Variants in SLC25A37 observed in about 807,000 individuals in gnomAD.
SLC25A37 encodes mitoferrin-1.
Under a neutral mutation model 31.0 loss-of-function variants are expected in SLC25A37, and 17 were observed. The ratio of observed to expected loss-of-function variants is 0.55; its 90% CI spans 0.38 to 0.82. SLC25A37 has a LOEUF of 0.82. Ranked by LOEUF, SLC25A37 falls within the 40% of genes least tolerant of loss-of-function variation. The pLI, the probability that SLC25A37 is intolerant of heterozygous loss-of-function variation, is 0.00. For missense variants in SLC25A37, 404 were observed against 465.8 expected, an observed-to-expected ratio of 0.87 and a Z score of 1.22; for synonymous variants, 222 against 193.0, an observed-to-expected ratio of 1.15 and a Z score of -1.24.
At chr8:23,571,255 A>G (rs1802820968) in intron 3 of SLC25A37, 80 bp from the exon 4 acceptor site, 1 of 1,442,918 alleles carries the variant, frequency 6.9e-7, no homozygotes, top group South Asian at 1.4e-5. Context: ...GCTTGGCTTC[A>G]TTCCGACCTG....
At chr8:23,530,161 C>G (rs972595186) in intron 1 of SLC25A37, among the ~76,000 whole-genome samples, 1 of 152,148 alleles carries the variant, frequency 6.6e-6, no homozygotes, top group Non-Finnish European at 1.5e-5. Context: ...AGGCATAACT[C>G]GCCTAATTCA....
chr8:23,575,384 T>G lies in SLC25A37; in HGVS notation c.*3529T>G, dbSNP rs1193329332. ...TTTGAAGAAGGGGAGAATTGTGTGT[T>G]TTTGTGTGGGGATGTTTCTGATATG... On this transcript the variant is annotated 3_prime_UTR_variant, in exon 4 of 4. Transcript: ENST00000519973. The G allele has an allele frequency of 6.6e-6, 1 of 152,140 alleles. No homozygotes were observed. Among genetic ancestry groups the G allele is most frequent in the Non-Finnish European group, 1.5e-5 (1 of 68,034 alleles). 9.4% of individuals were successfully genotyped at this position (152,140 alleles called of 1,614,324 possible). A position where few individuals can be genotyped will look rare whatever the true frequency, so the allele number is the denominator to read the frequency against.
At chr8:23,560,703 G>T (rs930233074) in intron 1 of SLC25A37, among the ~76,000 whole-genome samples, 14 of 152,218 alleles carry the variant, frequency 9.2e-5, no homozygotes, top group African/African-American at 3.1e-4. Flanking sequence ...ACTAAGACCT[G>T]CCCTTGAGTA....
chr8:23,564,540 A>C (rs188387284), intron 1 of SLC25A37, among the ~76,000 whole-genome samples: 167 of 151,870 alleles, frequency 1.1e-3, no homozygotes, highest in Middle Eastern at 0.01. Context: ...GAGGCAGGAA[A>C]GAAGGAAGGG....
chr8:23,539,292 G>GGGTCCA (rs1356996923), intron 1 of SLC25A37, among the ~76,000 whole-genome samples: 2 of 152,146 alleles, frequency 1.3e-5, no homozygotes, highest in Admixed American at 1.3e-4. Flanking sequence ...AACTTCTTCC[G>GGGTCCA]GGTCCACCGA....
chr8:23,573,727 T>G lies in SLC25A37; in HGVS notation c.*1872T>G. The G allele has an allele frequency of 2.3e-6, 1 of 444,142 alleles. No homozygotes were observed. Among genetic ancestry groups the G allele is most frequent in the Non-Finnish European group, 4.6e-6 (1 of 217,090 alleles). 27.5% of individuals were successfully genotyped at this position (444,142 alleles called of 1,614,324 possible). On this transcript the variant is annotated 3_prime_UTR_variant, in exon 4 of 4. Coordinates refer to ENST00000519973, the MANE Select transcript of SLC25A37 (RefSeq NM_016612.4). Reference sequence around the variant, plus strand: ...ATGGGAAAGAGCCAAACTGGGTACCTCCCACGTGTGCCCCGTGAACAGCCC... The same window carrying G: ...ATGGGAAAGAGCCAAACTGGGTACCGCCCACGTGTGCCCCGTGAACAGCCC...
rs771468099 is a variant in SLC25A37, at chr8:23,575,250, T to C, written c.*3395T>C. The C allele has an allele frequency of 1.6e-4, 24 of 152,226 alleles. No homozygotes were observed. Among genetic ancestry groups the C allele is most frequent in the Non-Finnish European group, 2.6e-4 (18 of 68,046 alleles). The allele number at this position is 152,226 out of a possible 1,614,324, so 9.4% of individuals were successfully genotyped here. A position where few individuals can be genotyped will look rare whatever the true frequency, so the allele number is the denominator to read the frequency against. On this transcript the variant is annotated 3_prime_UTR_variant, in exon 4 of 4. Coordinates refer to ENST00000519973, the MANE Select transcript of SLC25A37 (RefSeq NM_016612.4). ...GAATGACAAATGTACTGCTGCTTCC[T>C]ACCTGCAAGACGAACAATGTATGTT...
chr8:23,570,698 G>A lies in SLC25A37; in HGVS notation c.497-637G>A, dbSNP rs1007585693. On this transcript the variant is annotated intron_variant, in intron 3 of 3. Coordinates refer to ENST00000519973, the MANE Select transcript of SLC25A37 (RefSeq NM_016612.4). Reference sequence around the variant, plus strand: ...TGTTTAAAAGTAAAGCACATTGTATGTATTTATTTGGCAATACATGAGGCC... The same window carrying A: ...TGTTTAAAAGTAAAGCACATTGTATATATTTATTTGGCAATACATGAGGCC... Among the ~76,000 whole-genome samples the A allele has an allele frequency of 2.0e-5, 3 of 152,166 alleles. No individual in the cohort carries two copies. In the South Asian group the frequency reaches 6.2e-4, roughly 31 times the overall value.
At chr8:23,563,839 G>A (rs778899681) in intron 1 of SLC25A37, among the ~76,000 whole-genome samples, 4 of 152,092 alleles carry the variant, frequency 2.6e-5, no homozygotes, top group African/African-American at 7.2e-5. Flanking sequence ...AAATTAGCTG[G>A]GCGTGGTGGA....
chr8:23,535,498 C>T (rs909736595), intron 1 of SLC25A37, among the ~76,000 whole-genome samples: 2 of 152,128 alleles, frequency 1.3e-5, no homozygotes, highest in Non-Finnish European at 2.9e-5. Flanking sequence ...ATCAATGTGG[C>T]AGAGAAGGGA....
chr8:23,530,161 C>T (rs972595186), intron 1 of SLC25A37, among the ~76,000 whole-genome samples: 4 of 152,148 alleles, frequency 2.6e-5, no homozygotes, highest in African/African-American at 9.7e-5. Flanking sequence ...AGGCATAACT[C>T]GCCTAATTCA....
In SLC25A37 at chr8:23,572,099, T is replaced by C; in HGVS notation, c.*244T>C. On this transcript the variant is annotated 3_prime_UTR_variant, in exon 4 of 4. Coordinates refer to ENST00000519973, the MANE Select transcript of SLC25A37 (RefSeq NM_016612.4). ...GGGAGCGAGAAATTGCTTTTTCTCTTCCTCCCTGGGCAGAATGTAGCTTTT... is the reference window on the plus strand; with the variant it reads ...GGGAGCGAGAAATTGCTTTTTCTCTCCCTCCCTGGGCAGAATGTAGCTTTT... 1 of 468,014 alleles carries C rather than the reference T, an allele frequency of 2.1e-6. No homozygotes were observed. 29.0% of individuals were successfully genotyped at this position (468,014 alleles called of 1,614,324 possible).
At chr8:23,540,845 T>C (rs982334735) in intron 1 of SLC25A37, among the ~76,000 whole-genome samples, 5 of 152,138 alleles carry the variant, frequency 3.3e-5, no homozygotes, top group Admixed American at 6.5e-5. Context: ...CTTACGCATG[T>C]AGTGAGAAAA....
intron 1 of SLC25A37, among the ~76,000 whole-genome samples, chr8:23,530,850 A>G (rs1801647981): frequency 6.6e-6 from 1 of 152,184 alleles, no homozygotes; most frequent in Admixed American, 6.5e-5. Context: ...ATTAGAAATA[A>G]TTAGTTGTGC....
chr8:23,535,830 C>T (rs184205604), intron 1 of SLC25A37, among the ~76,000 whole-genome samples: 10 of 152,268 alleles, frequency 6.6e-5, no homozygotes, highest in Non-Finnish European at 1.3e-4. Flanking sequence ...ATCATCAGAT[C>T]TCGTGAGACT....
chr8:23,529,851 C>T lies in SLC25A37; in HGVS notation c.210+639C>T, dbSNP rs1390664213. On this transcript the variant is annotated intron_variant, in intron 1 of 3. Transcript: ENST00000519973. This position sits in a 1 kb window ranked among gnomAD's most constrained non-coding sequence, Gnocchi z 4.1. The stretch of plus-strand genomic sequence containing the variant: ...ACTTCTTCCCCCGACTTTGGGTCGC[C>T]GAGCCGCCGGGAGGCAATGACGTTT... Among the ~76,000 whole-genome samples, 1 of 152,052 alleles carries T rather than the reference C, an allele frequency of 6.6e-6. No homozygotes were observed. The highest frequency in any genetic ancestry group is 2.4e-5 in the African/African-American group (1 of 41,368).
At chr8:23,552,705 G>A (rs1402275879) in intron 1 of SLC25A37, among the ~76,000 whole-genome samples, 2 of 152,224 alleles carry the variant, frequency 1.3e-5, no homozygotes, top group Admixed American at 1.3e-4. Context: ...TTGAGCATTG[G>A]GTGGGTGGTT....
intron 1 of SLC25A37, among the ~76,000 whole-genome samples, chr8:23,552,306 A>C (rs1450231582): frequency 6.6e-6 from 1 of 152,226 alleles, no homozygotes; most frequent in Non-Finnish European, 1.5e-5. Flanking sequence ...TTTCTCGTTC[A>C]TCTCAGGAAG....
At position 23,562,139 on chromosome 8, in the gene SLC25A37, C is replaced by T. The variant is rs982112448; in HGVS notation, c.211-3969C>T. 2.0e-3 allele frequency among the ~76,000 whole-genome samples: 306 copies of T among 152,348 alleles called. 2 individuals are homozygous for T. The highest frequency in any genetic ancestry group is 0.017 in the Middle Eastern group (5 of 294). ...TTGGCTGGAAACCTCAGGGCTCCAG[C>T]CAGGGCTCATCCCCAAGAAGATACA... On this transcript the variant is annotated intron_variant, in intron 1 of 3. Coordinates refer to ENST00000519973, the MANE Select transcript of SLC25A37 (RefSeq NM_016612.4).
Sources: gnomAD v4.1 joint callset for allele counts (sites outside exome capture counted in the v4.1 genomes callset) on GRCh38, gnomAD v4.1.1 for gene constraint, Gnocchi (gnomAD v3.1) non-coding constraint, MANE v1.5 for transcripts, NCBI Gene and HGNC (gene_info 2026-07-23, HGNC 2026-07-21) for gene names.